SAMD4B: variants seen among roughly 807,000 people sequenced by gnomAD.
SAMD4B encodes sterile alpha motif domain containing 4B.
In SAMD4B, 5 loss-of-function variants were observed where a neutral mutation model predicts 74.5. The ratio of observed to expected loss-of-function variants is 0.07; its 90% CI spans 0.04 to 0.14. SAMD4B has a LOEUF of 0.14. SAMD4B is among the 10% of genes least tolerant of loss of function. The pLI is 1.00. For missense variants in SAMD4B, 608 were observed against 921.8 expected (o/e 0.66, Z 4.41); for synonymous variants, 373 against 374.9 (o/e 1.00, Z 0.06).
chr19:39,388,323 G>C (rs2078298806), downstream of SAMD4B: 3 of 1,613,848 alleles, frequency 1.9e-6, no homozygotes, highest in African/African-American at 1.3e-5. Flanking sequence ...TAATCAGATA[G>C]GAGTGTGCTG....
downstream of SAMD4B, chr19:39,388,528 C>T (rs1238234335): frequency 1.2e-6 from 2 of 1,614,030 alleles, no homozygotes; most frequent in Non-Finnish European, 1.7e-6. Context: ...CAAAACTTCC[C>T]AATCCCCAAA....
rs1236097988 is a variant in SAMD4B, at chr19:39,357,061, C to T, written c.168C>T (p.His56=). The T allele has an allele frequency of 6.8e-6, 11 of 1,611,822 alleles. No homozygotes were observed. The highest frequency in any genetic ancestry group is 9.3e-6 in the Non-Finnish European group (11 of 1,178,230). Residue 56 remains histidine (H), a synonymous_variant, in exon 3 of 14, where the codon CAC becomes CAT. Coordinates refer to ENST00000610417, the MANE Select transcript of SAMD4B (RefSeq NM_001384574.2). Reference sequence around the variant, plus strand: ...CACTGGCGGACTGCAATGACATCCACCTGCTGGAGTCGGAGGCCAACAGTG... The same window carrying T: ...CACTGGCGGACTGCAATGACATCCATCTGCTGGAGTCGGAGGCCAACAGTG... ...EHSLADCNDI[H]LLESEANSAA...
At position 39,384,689 on chromosome 19, in the gene SAMD4B, T is replaced by C. The variant is rs970480007; in HGVS notation, c.*1162T>C. On this transcript the variant is annotated 3_prime_UTR_variant, in exon 14 of 14. Coordinates refer to ENST00000610417, the MANE Select transcript of SAMD4B (RefSeq NM_001384574.2). ...TTGGGGCCCAGGTGGAGGGAGGGGA[T>C]TTGGGGGTTCAGACTGCGGGGAAGC... The C allele has an allele frequency of 1.3e-5, 2 of 152,486 alleles. No individual in the cohort carries two copies. Among genetic ancestry groups the C allele is most frequent in the African/African-American group, 4.8e-5 (2 of 41,378 alleles). The allele number at this position is 152,486 out of a possible 1,614,324, so 9.4% of individuals were successfully genotyped here.
chr19:39,383,214 C>G lies in SAMD4B; in HGVS notation c.1979C>G (p.Pro660Arg), dbSNP rs375649497. The G allele has an allele frequency of 2.5e-6, 4 of 1,614,062 alleles. No homozygotes were observed. Among genetic ancestry groups the G allele is most frequent in the South Asian group, 2.2e-5 (2 of 91,074 alleles). Reference protein sequence around the residue: ...QAILMFPPDCPVPGPDLEINP... With the variant: ...QAILMFPPDCRVPGPDLEINP... ...TCTCCTCTCTCCCACCCAGACTGCC[C>G]GGTTCCTGGGCCTGACCTGGAGATC... Residue 660 changes from proline to arginine, a missense_variant, in exon 13 of 14, where the codon CCG (proline) becomes CGG (arginine). Pro to Arg is a moderately radical substitution (Grantham distance 103, BLOSUM62 -2). This residue lies in a region of SAMD4B where 167 missense variants were observed against 193.0 expected (regional missense o/e 0.87). Coordinates refer to ENST00000610417, the MANE Select transcript of SAMD4B (RefSeq NM_001384574.2). The surrounding 1 kb of genome is among the most constrained non-coding windows in gnomAD (Gnocchi z 4.1).
chr19:39,346,905 C>T (rs538582878), intron 1 of SAMD4B, among the ~76,000 whole-genome samples: 18 of 151,996 alleles, frequency 1.2e-4, no homozygotes, highest in South Asian at 4.2e-4. Context: ...AGAATTGTTA[C>T]GAGGATTAAA....
chr19:39,386,183 A>C, downstream of SAMD4B: 1 of 1,614,086 alleles, frequency 6.2e-7, no homozygotes. This position sits in a 1 kb window ranked among gnomAD's most constrained non-coding sequence, Gnocchi z 6.1. Context: ...CTCTGTCCTC[A>C]TCATCAGAGT....
chr19:39,377,273 C>T (rs116315540), intron 7 of SAMD4B, among the ~76,000 whole-genome samples: 2,860 of 152,212 alleles, frequency 0.019, 97 homozygotes, highest in African/African-American at 0.066. Flanking sequence ...ACTGGCTTTT[C>T]GTGAGTTCTG....
chr19:39,385,199 A>C lies in SAMD4B; in HGVS notation c.*1672A>C. 5.0e-6 allele frequency: 1 copy of C among 198,564 alleles called. No individual in the cohort carries two copies. The allele number at this position is 198,564 out of a possible 1,614,324, so 12.3% of individuals were successfully genotyped here. A position where few individuals can be genotyped will look rare whatever the true frequency, so the allele number is the denominator to read the frequency against. The stretch of plus-strand genomic sequence containing the variant: ...CCTCCATGTTTCTGTGCCTTTGCTC[A>C]TCCCCTCAATCTCCCAGGGCTTCTC... On this transcript the variant is annotated 3_prime_UTR_variant, in exon 14 of 14. Transcript: ENST00000610417.
At position 39,381,067 on chromosome 19, in the gene SAMD4B, G is replaced by A. The variant is rs759683536; in HGVS notation, c.1926G>A (p.Ser642=). 1.4e-5 allele frequency: 22 copies of A among 1,612,610 alleles called. No individual in the cohort carries two copies. Among genetic ancestry groups the A allele is most frequent in the Middle Eastern group, 1.6e-4 (1 of 6,082 alleles). ...QSRSSVQRTH[S]LPVHSSPQAI... Reference sequence around the variant, plus strand: ...GCAGCTCTGTGCAGCGCACCCACTCGCTCCCGGTCCACTCGTCACCCCAGG... The same window carrying A: ...GCAGCTCTGTGCAGCGCACCCACTCACTCCCGGTCCACTCGTCACCCCAGG... The change falls in exon 12 of 14, where the codon TCG becomes TCA. Residue 642 remains serine, a synonymous_variant. Coordinates refer to ENST00000610417, the MANE Select transcript of SAMD4B (RefSeq NM_001384574.2).
In SAMD4B at chr19:39,383,815, A is replaced by C; in HGVS notation, c.*288A>C. ...CTCTCTCCTTTCCTTCCTCATCCCC[A>C]CCTGGTCCCATCCCACCCCTGCCTC... On this transcript the variant is annotated 3_prime_UTR_variant, in exon 14 of 14. Transcript: ENST00000610417. The surrounding 1 kb of genome is among the most constrained non-coding windows in gnomAD (Gnocchi z 4.1). The C allele has an allele frequency of 2.6e-6, 3 of 1,159,632 alleles. No individual in the cohort carries two copies. The highest frequency in any genetic ancestry group is 3.7e-6 in the Non-Finnish European group (3 of 821,612). 71.8% of individuals were successfully genotyped at this position (1,159,632 alleles called of 1,614,324 possible).
chr19:39,382,382 T>C (rs2078047829), intron 12 of SAMD4B, among the ~76,000 whole-genome samples: 1 of 152,154 alleles, frequency 6.6e-6, no homozygotes, highest in African/African-American at 2.4e-5. Context: ...GTAAGGACGC[T>C]GATGTTATTC....
chr19:39,389,580 G>A (rs1376308371), downstream of SAMD4B: 3 of 1,614,102 alleles, frequency 1.9e-6, no homozygotes, highest in Non-Finnish European at 2.5e-6. This position sits in a 1 kb window ranked among gnomAD's most constrained non-coding sequence, Gnocchi z 5.3. Context: ...GGACCATGAG[G>A]GAGGCCCAGG....
rs182871024 is a variant in SAMD4B at position 39,353,048 on chromosome 19, A to G, written c.-266-958A>G. 3.9e-5 allele frequency among the ~76,000 whole-genome samples: 6 copies of G among 152,278 alleles called. No homozygotes were observed. The East Asian group carries it at 5.8e-4, about 15-fold the overall frequency. ...GCCAGGGAGCTTATTACCTCCTCAC[A>G]TGGCAGCCAGTTCCATTCTTGGACA... is the stretch of plus-strand genomic sequence containing the variant. On this transcript the variant is annotated intron_variant, in intron 1 of 13. Coordinates refer to ENST00000610417, the MANE Select transcript of SAMD4B (RefSeq NM_001384574.2).
chr19:39,387,159 C>T (rs150150851), downstream of SAMD4B: 4 of 427,320 alleles, frequency 9.4e-6, no homozygotes, highest in Non-Finnish European at 1.8e-5. Flanking sequence ...TACTACATAC[C>T]TAGGCTGTAA....
In SAMD4B at chr19:39,383,697, C is replaced by CTCA; in HGVS notation, c.*171_*173dup. 1 of 1,543,222 alleles carries CTCA rather than the reference C, an allele frequency of 6.5e-7. No individual in the cohort carries two copies. The highest frequency in any genetic ancestry group is 2.4e-5 in the East Asian group (1 of 41,048). ...TTGTTTAACATTGGCACATGCCTTG[C>CTCA]TCACTCCCAGGCCCGTCGAGGGATC... On this transcript the variant is annotated 3_prime_UTR_variant, in exon 14 of 14. Transcript: ENST00000610417. This position sits in a 1 kb window ranked among gnomAD's most constrained non-coding sequence, Gnocchi z 4.1.
Position 39,375,470 on chromosome 19 carries a change from T to C in SAMD4B, c.668-180T>C, listed in dbSNP as rs776657725. 3.9e-5 allele frequency among the ~76,000 whole-genome samples: 6 copies of C among 151,918 alleles called. No individual in the cohort carries two copies. Among genetic ancestry groups the C allele is most frequent in the Non-Finnish European group, 5.9e-5 (4 of 67,952 alleles). On this transcript the variant is annotated intron_variant, in intron 4 of 13. Coordinates refer to ENST00000610417, the MANE Select transcript of SAMD4B (RefSeq NM_001384574.2). The surrounding 1 kb of genome is among the most constrained non-coding windows in gnomAD (Gnocchi z 4.1). ...AAGTGGCTGACAGCTTGCTGATGGG[T>C]TGGGTGTTGGAGGTAAGAGAATGAG...
chr19:39,369,741 A>G lies in SAMD4B; in HGVS notation c.283A>G (p.Thr95Ala). ...SHLPLLQPGN[T>A]EAKSEYMRLL... ...CCTTCCCCTGCTTCAGCCAGGCAAC[A>G]CAGAGGCCAAGTCGGAGTACATGAG... is the stretch of plus-strand genomic sequence containing the variant. The change falls in exon 4 of 14, where the codon ACA becomes GCA. Residue 95 changes from threonine to alanine, a missense_variant. Thr to Ala is a moderately conservative substitution (Grantham distance 58, BLOSUM62 0). Around this residue, in one of 9 missense-constraint regions of SAMD4B, gnomAD observed 74 missense variants for 182.0 expected, o/e 0.41. Coordinates refer to ENST00000610417, the MANE Select transcript of SAMD4B (RefSeq NM_001384574.2). The G allele has an allele frequency of 6.2e-7, 1 of 1,614,196 alleles. No individual in the cohort carries two copies.
Position 39,354,072 on chromosome 19 carries a change from A to G in SAMD4B, c.-206+6A>G, listed in dbSNP as rs1445041263. Reference sequence around the variant, plus strand: ...GATTGGAGTTAGCCTGTGAGGTAAAACCTATTTGTCATGTCTCACCCAGTC... The same window carrying G: ...GATTGGAGTTAGCCTGTGAGGTAAAGCCTATTTGTCATGTCTCACCCAGTC... On this transcript the variant is annotated splice_donor_region_variant and intron_variant, in intron 2 of 13. Coordinates refer to ENST00000610417, the MANE Select transcript of SAMD4B (RefSeq NM_001384574.2). The G allele has an allele frequency of 2.6e-5, 4 of 152,098 alleles. No homozygotes were observed. Among genetic ancestry groups the G allele is most frequent in the Non-Finnish European group, 2.9e-5 (2 of 68,044 alleles). The allele number at this position is 152,098 out of a possible 1,614,324, so 9.4% of individuals were successfully genotyped here. A position where few individuals can be genotyped will look rare whatever the true frequency, so the allele number is the denominator to read the frequency against.
chr19:39,342,511 G>GGGCGAC lies in SAMD4B; in HGVS notation c.-327_-322dup, dbSNP rs959026178. The GGGCGAC allele has an allele frequency of 1.7e-5, 3 of 173,644 alleles. No individual in the cohort carries two copies. The highest frequency in any genetic ancestry group is 2.4e-5 in the African/African-American group (1 of 41,198). 10.8% of individuals were successfully genotyped at this position (173,644 alleles called of 1,614,324 possible). On this transcript the variant is annotated 5_prime_UTR_variant, in exon 1 of 14. Coordinates refer to ENST00000610417, the MANE Select transcript of SAMD4B (RefSeq NM_001384574.2). ...GAGGGGAGCTTGCGGGCCCGAGAGGGGGCGACGGCGGCGGCGGTGGCCTGA... is the reference window on the plus strand; with the variant it reads ...GAGGGGAGCTTGCGGGCCCGAGAGGGGGCGACGGCGACGGCGGCGGCGGTGGCCTGA...
Sources: gnomAD v4.1 joint callset for allele counts (sites outside exome capture counted in the v4.1 genomes callset) on GRCh38, gnomAD v4.1.1 for gene constraint, gnomAD v4.1.1 regional missense constraint, Gnocchi (gnomAD v3.1) non-coding constraint, MANE v1.5 for transcripts, NCBI Gene and HGNC (gene_info 2026-07-23, HGNC 2026-07-21) for gene names.